Variants in ZFP64 observed in about 807,000 individuals in gnomAD.
ZFP64 encodes the protein zinc finger protein 64.
In ZFP64, 14 loss-of-function variants were observed where a neutral mutation model predicts 51.6. That is an observed-to-expected ratio of 0.27 (90% CI 0.18 to 0.42). ZFP64 has a LOEUF of 0.42. Among genes scored for constraint, ZFP64 ranks in the 10% least tolerant of loss-of-function variants. ZFP64 has a pLI of 1.00. For missense variants in ZFP64, 754 were observed against 906.8 expected (o/e 0.83, Z 2.16); for synonymous variants, 375 against 361.4 (o/e 1.04, Z -0.43).
At chr20:52,120,344 C>G (rs1311915912) in intron 5 of ZFP64, among the ~76,000 whole-genome samples, 1 of 152,160 alleles carries the variant, frequency 6.6e-6, no homozygotes, top group Non-Finnish European at 1.5e-5. Context: ...AGGCAAATCT[C>G]AGGCCTGGTT....
intron 2 of ZFP64, among the ~76,000 whole-genome samples, chr20:52,185,521 A>T (rs1983894328): frequency 6.6e-6 from 1 of 151,708 alleles, no homozygotes; most frequent in South Asian, 2.1e-4. Flanking sequence ...ACATTTTTGT[A>T]ATTACTAAGG....
chr20:52,166,155 G>A, intron 2 of ZFP64, 130 bp from the exon 3 acceptor site: 1 of 809,994 alleles, frequency 1.2e-6, no homozygotes, highest in East Asian at 3.6e-5. Context: ...GCTTCACAGT[G>A]ATCATGTGAC....
intron 5 of ZFP64, among the ~76,000 whole-genome samples, chr20:52,120,157 G>A (rs1979108169): frequency 6.6e-6 from 1 of 152,126 alleles, no homozygotes; most frequent in African/African-American, 2.4e-5. Context: ...TGAGAAAGTG[G>A]GGTCCTTGCC....
intron 5 of ZFP64, among the ~76,000 whole-genome samples, chr20:52,099,100 CTG>C (rs2079024127): frequency 1.3e-5 from 2 of 151,610 alleles, no homozygotes; most frequent in African/African-American, 4.8e-5. Context: ...GGACAGGACA[CTG>C]TCACATAACA....
intron 7 of ZFP64, among the ~76,000 whole-genome samples, chr20:52,095,990 C>T (rs1568943572): frequency 6.6e-6 from 1 of 152,220 alleles, no homozygotes; most frequent in African/African-American, 2.4e-5. Flanking sequence ...ACATCGTCAT[C>T]CTGGTAGCCT....
rs1400003549 is a variant in ZFP64, at chr20:52,091,931, G to A, written c.977-3288C>T. On this transcript the variant is annotated intron_variant, in intron 7 of 8. Coordinates refer to the ZFP64 transcript ENST00000361387. ...CTTGAACCCAGGAGGTGGAGGTTGCGGTGAGCCAAGATTGCACCATTGCAT... is the reference window on the plus strand; with the variant it reads ...CTTGAACCCAGGAGGTGGAGGTTGCAGTGAGCCAAGATTGCACCATTGCAT... Among the ~76,000 whole-genome samples, 5 of 151,880 alleles carry A rather than the reference G, an allele frequency of 3.3e-5. No homozygotes were observed. In the South Asian group the frequency reaches 6.3e-4, roughly 19 times the overall value.
intron 5 of ZFP64, among the ~76,000 whole-genome samples, chr20:52,107,159 C>T (rs1263347286): frequency 1.3e-5 from 2 of 152,050 alleles, no homozygotes; most frequent in African/African-American, 4.8e-5. Context: ...ACTGGATAAA[C>T]AGTGGTTGCC....
intron 5 of ZFP64, among the ~76,000 whole-genome samples, chr20:52,141,011 A>G (rs1488887752): frequency 6.6e-6 from 1 of 152,208 alleles, no homozygotes; most frequent in African/African-American, 2.4e-5. Context: ...AAATGGAACC[A>G]TGAAGGCTGG....
chr20:52,140,369 T>C (rs1980196606), intron 5 of ZFP64, among the ~76,000 whole-genome samples: 1 of 152,172 alleles, frequency 6.6e-6, no homozygotes, highest in Admixed American at 6.5e-5. Context: ...GTTAGCCAAG[T>C]TGTGAATGCA....
At chr20:52,103,118 T>A (rs1338881594) in intron 5 of ZFP64, among the ~76,000 whole-genome samples, 1 of 152,136 alleles carries the variant, frequency 6.6e-6, no homozygotes, top group Admixed American at 6.5e-5. Context: ...GGGGAGACCC[T>A]CTGCCTCTGG....
At chr20:52,088,943 C>A (rs2078892653) in intron 7 of ZFP64, 1 of 572,252 alleles carries the variant, frequency 1.7e-6, no homozygotes, top group African/African-American at 1.9e-5. Flanking sequence ...TAAGAAGTGG[C>A]AGCTGTAGGG....
chr20:52,108,417 C>A (rs146595120), intron 5 of ZFP64, among the ~76,000 whole-genome samples: 250 of 151,858 alleles, frequency 1.6e-3, no homozygotes, highest in African/African-American at 5.9e-3. Context: ...AATATAATGA[C>A]AACTGATTAG....
At chr20:52,156,394 C>T (rs565776499) in intron 5 of ZFP64, among the ~76,000 whole-genome samples, 5 of 152,328 alleles carry the variant, frequency 3.3e-5, no homozygotes, top group Admixed American at 3.3e-4. Context: ...TGCTTGCTTG[C>T]TTACACCTCG....
Position 52,119,520 on chromosome 20 carries a change from TAAAA to T in ZFP64, c.764-20937_764-20934del, listed in dbSNP as rs11409645. On this transcript the variant is annotated intron_variant, in intron 5 of 8. Transcript: ENST00000361387. ...CTGGGAAACAGAGTGAGACTTCATC[TAAAA>T]AAAAAAAAAATATATATATATATAT... is the stretch of plus-strand genomic sequence containing the variant. Among the ~76,000 whole-genome samples the T allele has an allele frequency of 2.4e-3, 236 of 100,286 alleles. 1 individual carries two copies. Among genetic ancestry groups the T allele is most frequent in the African/African-American group, 9.3e-3 (224 of 24,064 alleles). 65.8% of individuals were successfully genotyped at this position (100,286 alleles called of 152,430 possible).
intron 2 of ZFP64, among the ~76,000 whole-genome samples, chr20:52,174,697 G>A (rs1983042099): frequency 6.6e-6 from 1 of 152,106 alleles, no homozygotes; most frequent in Non-Finnish European, 1.5e-5. Context: ...TGGACATGGA[G>A]GAGACATCTA....
chr20:52,188,308 C>CTTTTTTTTTTTT (rs1164512289), intron 1 of ZFP64, among the ~76,000 whole-genome samples: 9 of 104,218 alleles, frequency 8.6e-5, no homozygotes, highest in Non-Finnish European at 1.6e-4. Context: ...CTTTTTCTTT[C>CTTTTTTTTTTTT]TTTTTTTTTT....
At chr20:52,137,269 C>T (rs1176432584) in intron 5 of ZFP64, among the ~76,000 whole-genome samples, 1 of 152,098 alleles carries the variant, frequency 6.6e-6, no homozygotes, top group Non-Finnish European at 1.5e-5. Context: ...GGGTTCTCTC[C>T]ACCTGACTGG....
At chr20:52,163,144 C>A (rs1023092307) in intron 4 of ZFP64, among the ~76,000 whole-genome samples, 4 of 152,050 alleles carry the variant, frequency 2.6e-5, no homozygotes, top group African/African-American at 7.2e-5. Flanking sequence ...GTGGATCACC[C>A]AACGTCGGGA....
downstream of ZFP64, among the ~76,000 whole-genome samples, chr20:52,149,682 A>G (rs149579880): frequency 3.9e-5 from 6 of 152,296 alleles, no homozygotes; most frequent in East Asian, 1.2e-3. Context: ...AGTAAGTTTT[A>G]CTGTTTTGTT....
Sources: allele counts gnomAD v4.1 joint callset (sites outside exome capture counted in the v4.1 genomes callset), GRCh38; gene constraint gnomAD v4.1.1; transcripts MANE v1.5; gene names NCBI Gene and HGNC (gene_info 2026-07-23, HGNC 2026-07-21).